The following STAMBP variants were observed in gnomAD, a reference collection of about 807,000 sequenced individuals.
STAMBP encodes STAM binding protein, also known as STAM-binding protein.
Under a neutral mutation model 50.7 loss-of-function variants are expected in STAMBP, and 31 were observed. The observed-to-expected ratio is 0.61, with a 90% confidence interval of 0.46 to 0.83. The LOEUF is 0.83. Among genes scored for constraint, STAMBP ranks in the 40% least tolerant of loss-of-function variants. The pLI is 0.00. For synonymous variants in STAMBP, 211 were observed against 192.4 expected (o/e 1.10, Z -0.80); for missense variants, 472 against 518.9 (o/e 0.91, Z 0.88).
chr2:73,871,054 G>A (rs1679178722), downstream of STAMBP, among the ~76,000 whole-genome samples: 1 of 152,122 alleles, frequency 6.6e-6, no homozygotes, highest in African/African-American at 2.4e-5. Flanking sequence ...ACAGGTGTGA[G>A]CCACTGTGCC....
rs568108726 is a variant in STAMBP, at chr2:73,860,460, G to A, written c.1218+309G>A. Reference sequence around the variant, plus strand: ...TCTTGAGATGATTAAATGAAGTAATGTGCAGGAAGTACGTAATGCAGTTGC... The same window carrying A: ...TCTTGAGATGATTAAATGAAGTAATATGCAGGAAGTACGTAATGCAGTTGC... On this transcript the variant is annotated intron_variant, in intron 9 of 9. Transcript: ENST00000394070. 6.1e-5 allele frequency: 38 copies of A among 627,808 alleles called. No homozygotes were observed. In the African/African-American group the frequency reaches 7.2e-4, roughly 12 times the overall value. The allele number at this position is 627,808 out of a possible 1,614,324, so 38.9% of individuals were successfully genotyped here.
chr2:73,857,634 G>A (rs907370779), intron 7 of STAMBP, among the ~76,000 whole-genome samples: 4 of 152,190 alleles, frequency 2.6e-5, no homozygotes, highest in Non-Finnish European at 5.9e-5. Context: ...CCATGAGCTA[G>A]GACGGCATGC....
At chr2:73,844,995 A>G in intron 3 of STAMBP, 107 bp downstream of exon 3, 4 of 1,527,522 alleles carry the variant, frequency 2.6e-6, no homozygotes, top group Non-Finnish European at 2.6e-6. Flanking sequence ...ATCCTGCAAT[A>G]GGAGATAAGG....
chr2:73,871,783 T>C (rs2104772972), downstream of STAMBP, among the ~76,000 whole-genome samples: 1 of 152,242 alleles, frequency 6.6e-6, no homozygotes, highest in East Asian at 1.9e-4. Flanking sequence ...AAACTTTTTT[T>C]TTGAAACAGA....
chr2:73,843,511 T>G (rs1675698561), intron 2 of STAMBP, among the ~76,000 whole-genome samples: 1 of 151,496 alleles, frequency 6.6e-6, no homozygotes, highest in Non-Finnish European at 1.5e-5. Flanking sequence ...TCAAGCAGTC[T>G]TCCTGCCTCG....
intron 1 of STAMBP, among the ~76,000 whole-genome samples, chr2:73,830,144 CT>C (rs1673718703): frequency 6.6e-6 from 1 of 152,114 alleles, no homozygotes; most frequent in African/African-American, 2.4e-5. Context: ...ACCATCGTGC[CT>C]TTTTGTTATT....
intron 2 of STAMBP, among the ~76,000 whole-genome samples, chr2:73,833,582 G>A (rs950518416): frequency 6.6e-6 from 1 of 152,008 alleles, no homozygotes; most frequent in African/African-American, 2.4e-5. Flanking sequence ...GAAACCCAGG[G>A]GCACAATTCC....
downstream of STAMBP, among the ~76,000 whole-genome samples, chr2:73,867,466 C>A (rs1679000228): frequency 6.6e-6 from 1 of 152,046 alleles, no homozygotes; most frequent in African/African-American, 2.4e-5. Context: ...ATCGCTTGAA[C>A]CTGGGAAGTG....
intron 2 of STAMBP, among the ~76,000 whole-genome samples, chr2:73,844,295 C>T (rs1369891809): frequency 6.6e-6 from 1 of 152,216 alleles, no homozygotes; most frequent in East Asian, 1.9e-4. Context: ...TATTTCCATG[C>T]ATTTTTGTAT....
At chr2:73,838,911 A>T (rs557040219) in intron 2 of STAMBP, among the ~76,000 whole-genome samples, 1 of 152,258 alleles carries the variant, frequency 6.6e-6, no homozygotes, top group South Asian at 2.1e-4. Context: ...TTCTGTGAAC[A>T]GAAAATCACA....
Position 73,849,343 on chromosome 2 carries a change from T to G in STAMBP, c.743-20T>G. 1 of 1,613,246 alleles carries G rather than the reference T, an allele frequency of 6.2e-7. No homozygotes were observed. The highest frequency in any genetic ancestry group is 8.5e-7 in the Non-Finnish European group (1 of 1,179,906). Reference sequence around the variant, plus strand: ...GGCAGGGCTCAGTGGTCGCAGACTATTCTCCTTTCTCCTTTACAGTTCCCA... The same window carrying G: ...GGCAGGGCTCAGTGGTCGCAGACTAGTCTCCTTTCTCCTTTACAGTTCCCA... On this transcript the variant is annotated intron_variant, in intron 5 of 9. Coordinates refer to ENST00000394070, the MANE Select transcript of STAMBP (RefSeq NM_213622.4).
In STAMBP at chr2:73,865,846, C is replaced by G. The variant is rs1341212365; in HGVS notation, c.*3587C>G. The G allele has an allele frequency of 6.6e-6, 1 of 152,234 alleles. No homozygotes were observed. Among genetic ancestry groups the G allele is most frequent in the Non-Finnish European group, 1.5e-5 (1 of 68,050 alleles). 9.4% of individuals were successfully genotyped at this position (152,234 alleles called of 1,614,324 possible). On this transcript the variant is annotated 3_prime_UTR_variant, in exon 10 of 10. Coordinates refer to ENST00000394070, the MANE Select transcript of STAMBP (RefSeq NM_213622.4). The stretch of plus-strand genomic sequence containing the variant: ...AGGAATCTTTGGGCAGATCCACATT[C>G]TTTAGCACTAGCTAGGCTTTGACTC...
chr2:73,853,927 C>A (rs1677205332), intron 7 of STAMBP, among the ~76,000 whole-genome samples: 1 of 152,098 alleles, frequency 6.6e-6, no homozygotes, highest in African/African-American at 2.4e-5. Flanking sequence ...TGGCTTTTAC[C>A]TTTTTGTAAA....
At chr2:73,852,595 T>C (rs1381209053) in intron 7 of STAMBP, among the ~76,000 whole-genome samples, 1 of 152,044 alleles carries the variant, frequency 6.6e-6, no homozygotes, top group East Asian at 1.9e-4. Context: ...TAACATAGAA[T>C]GTAGTTAGCA....
At chr2:73,834,579 C>T (rs1032729565) in intron 2 of STAMBP, among the ~76,000 whole-genome samples, 1 of 151,606 alleles carries the variant, frequency 6.6e-6, no homozygotes, top group African/African-American at 2.4e-5. Context: ...GTCTCAGGGG[C>T]GGCAGTGGCA....
At chr2:73,855,185 ATCATGTT>A (rs561689635) in intron 7 of STAMBP, among the ~76,000 whole-genome samples, 43 of 152,302 alleles carry the variant, frequency 2.8e-4, no homozygotes, top group African/African-American at 9.4e-4. Flanking sequence ...GGCACTCCTC[ATCATGTT>A]TCAGCGCTAT....
chr2:73,844,613 G>A, intron 2 of STAMBP, 200 bp from the exon 3 acceptor site: 1 of 381,196 alleles, frequency 2.6e-6, no homozygotes, highest in East Asian at 4.1e-5. Context: ...CCTAGTTTGG[G>A]AGTAGAGGAA....
At chr2:73,871,409 G>A (rs773297164), downstream of STAMBP, among the ~76,000 whole-genome samples, 10 of 151,992 alleles carry the variant, frequency 6.6e-5, no homozygotes, top group South Asian at 2.1e-4. Flanking sequence ...TTAGCCAGGC[G>A]TGGTGGTGGG....
Position 73,849,484 on chromosome 2 carries a change from A to T in STAMBP, c.864A>T (p.Lys288Asn), listed in dbSNP as rs1245932683. The change falls in exon 6 of 10, where the codon AAA becomes AAT. Residue 288 changes from lysine (K) to asparagine (N), a missense_variant. Lys to Asn is a moderately conservative substitution (Grantham distance 94). Transcript: ENST00000394070. The part of the protein sequence containing the change: ...GVETCGILCG[K>N]LMRNEFTITH... ...AGACATGTGGAATTCTCTGTGGAAA[A>T]CTGGTAAAAAGAAAAAAAAAACCAA... 9.5e-6 allele frequency: 15 copies of T among 1,585,778 alleles called. No homozygotes were observed. Among genetic ancestry groups the T allele is most frequent in the Non-Finnish European group, 1.3e-5 (15 of 1,170,682 alleles).
Sources: gnomAD v4.1 joint callset for allele counts (sites outside exome capture counted in the v4.1 genomes callset) on GRCh38, gnomAD v4.1.1 for gene constraint, MANE v1.5 for transcripts, NCBI Gene and HGNC (gene_info 2026-07-23, HGNC 2026-07-21) for gene names.